DLG2: variants seen among roughly 807,000 people sequenced by gnomAD.
DLG2 encodes the protein disks large homolog 2.
DLG2 carries 45 observed loss-of-function variants against 132.5 expected under a neutral mutation model. The observed-to-expected ratio is 0.34, with a 90% CI of 0.27 to 0.44. The LOEUF is 0.44. DLG2 is among the 20% of genes least tolerant of loss of function. The pLI is 1.00. For synonymous variants in DLG2, 424 were observed against 419.6 expected, an observed-to-expected ratio of 1.01 and a Z score of -0.13; for missense variants, 1,045 against 1,196.9, an observed-to-expected ratio of 0.87 and a Z score of 1.87.
intron 6 of DLG2, among the ~76,000 whole-genome samples, chr11:85,031,947 C>CTT (rs11389028): frequency 0.014 from 742 of 51,854 alleles, 130 homozygotes; most frequent in East Asian, 0.068. Context: ...TGACAACTGG[C>CTT]TTTTTTTTTT....
At chr11:84,972,950 G>GTT (rs199563898) in intron 6 of DLG2, among the ~76,000 whole-genome samples, 6 of 140,792 alleles carry the variant, frequency 4.3e-5, no homozygotes, top group Admixed American at 1.4e-4. Flanking sequence ...AGTTTTTTGG[G>GTT]TTTTTTTTTT....
At chr11:85,570,056 A>C (rs1017192593) in intron 3 of DLG2, among the ~76,000 whole-genome samples, 1 of 152,178 alleles carries the variant, frequency 6.6e-6, no homozygotes, top group Non-Finnish European at 1.5e-5. Flanking sequence ...TACTACGCTC[A>C]CTACCTGGGT....
At chr11:84,600,312 T>C (rs1228112950) in intron 6 of DLG2, among the ~76,000 whole-genome samples, 3 of 151,964 alleles carry the variant, frequency 2.0e-5, no homozygotes, top group South Asian at 2.1e-4. Flanking sequence ...AGGGCAAAAA[T>C]AGGGCATTTC....
intron 5 of DLG2, among the ~76,000 whole-genome samples, chr11:85,131,639 G>C (rs2075718332): frequency 6.6e-6 from 1 of 152,046 alleles, no homozygotes; most frequent in Admixed American, 6.6e-5. Context: ...GAAGTTTTAG[G>C]CTTTAAATCC....
intron 6 of DLG2, among the ~76,000 whole-genome samples, chr11:85,037,655 T>C (rs770990212): frequency 3.9e-4 from 60 of 152,260 alleles, no homozygotes; most frequent in African/African-American, 1.3e-3. Context: ...AAAGTTAAAA[T>C]GTGGTGGGTT....
At chr11:85,122,723 T>C (rs76721439) in intron 5 of DLG2, among the ~76,000 whole-genome samples, 1,547 of 151,800 alleles carry the variant, frequency 0.01, 27 homozygotes, top group African/African-American at 0.034. Context: ...TGATATTGCA[T>C]TTGGTGAACA....
chr11:84,207,961 A>T (rs1288323250), intron 8 of DLG2, among the ~76,000 whole-genome samples: 2 of 152,142 alleles, frequency 1.3e-5, no homozygotes, highest in African/African-American at 4.8e-5. Context: ...TTACATGGGG[A>T]AAAAAGGCTC....
At chr11:84,309,762 G>A (rs2098268689) in intron 7 of DLG2, among the ~76,000 whole-genome samples, 1 of 152,192 alleles carries the variant, frequency 6.6e-6, no homozygotes, top group Non-Finnish European at 1.5e-5. Flanking sequence ...TGGATACATA[G>A]GGAGATAGAA....
At chr11:85,511,640 C>T (rs1456183596) in intron 3 of DLG2, among the ~76,000 whole-genome samples, 1 of 151,908 alleles carries the variant, frequency 6.6e-6, no homozygotes, top group African/African-American at 2.4e-5. Flanking sequence ...ATCACTGAGG[C>T]TTCATCCTTC....
In DLG2 at chr11:84,778,968, G is replaced by A. The variant is rs117219957; in HGVS notation, c.358-244237C>T. Among the ~76,000 whole-genome samples the A allele has an allele frequency of 4.4e-3, 664 of 152,168 alleles. 7 individuals are homozygous for A. Among genetic ancestry groups the A allele is most frequent in the Non-Finnish European group, 7.2e-3 (487 of 67,996 alleles). On this transcript the variant is annotated intron_variant, in intron 6 of 27. Transcript: ENST00000376104. ...CAGACTCCAAGTTCTTTGGTTTTTG[G>A]ACTCTTGAACCTACGCCAGTGGTTT... is the stretch of plus-strand genomic sequence containing the variant.
intron 6 of DLG2, among the ~76,000 whole-genome samples, chr11:84,805,387 G>GA (rs973265772): frequency 6.0e-5 from 9 of 150,530 alleles, no homozygotes; most frequent in Admixed American, 2.0e-4. Flanking sequence ...CTAAAGTAGA[G>GA]AAAAAAAAAT....
intron 6 of DLG2, among the ~76,000 whole-genome samples, chr11:84,742,869 C>T (rs1238176566): frequency 6.6e-6 from 1 of 152,102 alleles, no homozygotes. Context: ...ATGGTTTTAC[C>T]GTTTCCAGAA....
chr11:84,749,897 T>C (rs944033666), intron 6 of DLG2, among the ~76,000 whole-genome samples: 1 of 152,176 alleles, frequency 6.6e-6, no homozygotes, highest in African/African-American at 2.4e-5. Context: ...CAGTAATCCC[T>C]GTAAGGCAGA....
intron 6 of DLG2, among the ~76,000 whole-genome samples, chr11:84,832,812 C>T (rs990117653): frequency 6.6e-5 from 10 of 151,574 alleles, no homozygotes; most frequent in Non-Finnish European, 1.5e-5. Context: ...GAAAGCAATT[C>T]CCCCCTCCGC....
rs1273180270 is a variant in DLG2 at position 85,405,501 on chromosome 11, C to T, written c.41-120136G>A. On this transcript the variant is annotated intron_variant, in intron 3 of 27. Coordinates refer to ENST00000376104, the MANE Select transcript of DLG2 (RefSeq NM_001142699.3). Reference sequence around the variant, plus strand: ...GCAGATCATTTATAATGAGCACACACATGTATTTTCTGTGTATATTTAAAA... The same window carrying T: ...GCAGATCATTTATAATGAGCACACATATGTATTTTCTGTGTATATTTAAAA... Among the ~76,000 whole-genome samples, 3 of 152,096 alleles carry T rather than the reference C, an allele frequency of 2.0e-5. No individual in the cohort carries two copies. In the East Asian group the frequency reaches 5.8e-4, roughly 29 times the overall value.
chr11:85,618,548 G>A (rs2081490102), intron 2 of DLG2, among the ~76,000 whole-genome samples: 1 of 152,110 alleles, frequency 6.6e-6, no homozygotes. Flanking sequence ...TCTTACAAGT[G>A]GGAACTAAGA....
Position 84,924,080 on chromosome 11 carries a change from T to G in DLG2, c.357+187581A>C, listed in dbSNP as rs11821521. On this transcript the variant is annotated intron_variant, in intron 6 of 27. Transcript: ENST00000376104. ...AGCAAGAGAGAAAAATAAAAGCTTC[T>G]GCCCCTATAAGTCCGTAAGGAAAAA... Among the ~76,000 whole-genome samples the G allele has an allele frequency of 6.1e-3, 930 of 151,922 alleles. 8 individuals carry two copies. The highest frequency in any genetic ancestry group is 0.021 in the African/African-American group (851 of 41,426).
intron 3 of DLG2, among the ~76,000 whole-genome samples, chr11:85,471,092 T>C (rs976837484): frequency 2.6e-5 from 4 of 152,204 alleles, no homozygotes; most frequent in Non-Finnish European, 4.4e-5. Context: ...AACTATCCTA[T>C]ATAAACTGCC....
At chr11:83,724,851 C>A (rs1332823196) in intron 18 of DLG2, 1 of 702,488 alleles carries the variant, frequency 1.4e-6, no homozygotes, top group South Asian at 1.5e-5. Context: ...CAGCATGATT[C>A]TCACCACAGC....
Sources: allele counts gnomAD v4.1 joint callset (sites outside exome capture counted in the v4.1 genomes callset), GRCh38; gene constraint gnomAD v4.1.1; transcripts MANE v1.5; gene names NCBI Gene and HGNC (gene_info 2026-07-23, HGNC 2026-07-21).